ARHGEF38: variants seen among roughly 807,000 people sequenced by gnomAD.
ARHGEF38 encodes the protein Rho guanine nucleotide exchange factor 38.
A neutral mutation model predicts 79.9 loss-of-function variants in ARHGEF38; 79 were observed. That is an observed-to-expected ratio of 0.99 (90% confidence interval 0.82 to 1.19). The LOEUF (loss-of-function observed/expected upper bound fraction) is 1.19, where lower values mean the gene tolerates loss of function less well. Among genes scored for constraint, ARHGEF38 ranks in the 50% most tolerant of loss-of-function variants. ARHGEF38 has a pLI of 0.00. For missense variants in ARHGEF38, 962 were observed against 907.2 expected, an observed-to-expected ratio of 1.06 and a Z score of -0.78; for synonymous variants, 366 against 328.3, an observed-to-expected ratio of 1.11 and a Z score of -1.24.
intron 1 of ARHGEF38, among the ~76,000 whole-genome samples, chr4:105,579,781 T>A (rs886593704): frequency 6.6e-6 from 1 of 152,142 alleles, no homozygotes; most frequent in Non-Finnish European, 1.5e-5. Context: ...CTCCTCAATT[T>A]TTTGGAATAG....
chr4:105,567,552 TTGTTAAG>T (rs1560689438), intron 1 of ARHGEF38, among the ~76,000 whole-genome samples: 1 of 152,188 alleles, frequency 6.6e-6, no homozygotes, highest in African/African-American at 2.4e-5. Flanking sequence ...TGCCCCTTGA[TTGTTAAG>T]TGGAGAAGTA....
chr4:105,617,747 A>G (rs905192589), intron 3 of ARHGEF38, among the ~76,000 whole-genome samples: 2 of 152,230 alleles, frequency 1.3e-5, no homozygotes, highest in African/African-American at 4.8e-5. Flanking sequence ...ACAAAATTGC[A>G]AATAGGAAGA....
At chr4:105,568,916 G>A (rs1726076498) in intron 1 of ARHGEF38, among the ~76,000 whole-genome samples, 1 of 152,086 alleles carries the variant, frequency 6.6e-6, no homozygotes, top group African/African-American at 2.4e-5. Flanking sequence ...GTTAAGTAAG[G>A]CATTAAACAA....
At chr4:105,597,098 T>G (rs1727616501) in intron 2 of ARHGEF38, among the ~76,000 whole-genome samples, 1 of 152,154 alleles carries the variant, frequency 6.6e-6, no homozygotes, top group African/African-American at 2.4e-5. Flanking sequence ...TAATGAAATT[T>G]TGCTACTTTC....
chr4:105,596,130 G>T (rs146999633), intron 2 of ARHGEF38, among the ~76,000 whole-genome samples: 216 of 152,298 alleles, frequency 1.4e-3, no homozygotes, highest in Non-Finnish European at 2.5e-3. Flanking sequence ...TCATACCTAG[G>T]TTAGCAGTGG....
rs1165788113 is a variant in ARHGEF38 at position 105,589,431 on chromosome 4, A to C, written c.380A>C (p.Lys127Thr). 6.2e-7 allele frequency: 1 copy of C among 1,605,002 alleles called. No homozygotes were observed. The highest frequency in any genetic ancestry group is 1.3e-5 in the African/African-American group (1 of 74,222). Residue 127 changes from lysine (K) to threonine (T), a missense_variant, in exon 2 of 14, where the codon AAA becomes ACA. Lys to Thr is a moderately conservative substitution (Grantham distance 78). Coordinates refer to ENST00000420470, the MANE Select transcript of ARHGEF38 (RefSeq NM_001242729.2). ...VREVVQPLRN[K>T]KTDRLDVDSL... ...GAAGTGGTTCAGCCCCTGAGAAATA[A>C]AAAGGTAAATATATATTTGAGATTT...
chr4:105,566,912 C>T lies in ARHGEF38; in HGVS notation c.196+13951C>T, dbSNP rs949801133. Among the ~76,000 whole-genome samples the T allele has an allele frequency of 5.2e-4, 79 of 152,098 alleles. 1 individual carries two copies. The highest frequency in any genetic ancestry group is 1.3e-4 in the Non-Finnish European group (9 of 68,018). ...GGGATTACAGGCATGCACCACCACG[C>T]CCAGCTAATTTTGTATTTTTAGTAG... On this transcript the variant is annotated intron_variant, in intron 1 of 13. Coordinates refer to ENST00000420470, the MANE Select transcript of ARHGEF38 (RefSeq NM_001242729.2).
At chr4:105,628,730 C>G (rs890562574) in intron 3 of ARHGEF38, among the ~76,000 whole-genome samples, 1 of 152,124 alleles carries the variant, frequency 6.6e-6, no homozygotes, top group African/African-American at 2.4e-5. Context: ...CACACACACA[C>G]TCACATGTGT....
chr4:105,593,562 A>C (rs913537788), intron 2 of ARHGEF38, among the ~76,000 whole-genome samples: 3 of 152,142 alleles, frequency 2.0e-5, no homozygotes, highest in Non-Finnish European at 4.4e-5. Flanking sequence ...AAACAGACAG[A>C]CAAAAACATC....
At chr4:105,570,984 C>G (rs1025731266) in intron 1 of ARHGEF38, among the ~76,000 whole-genome samples, 35 of 152,006 alleles carry the variant, frequency 2.3e-4, no homozygotes, top group African/African-American at 8.5e-4. Context: ...TTCATAGAGA[C>G]AAAAAGCAGA....
chr4:105,668,356 A>T (rs1389121930), intron 13 of ARHGEF38, among the ~76,000 whole-genome samples: 1 of 151,796 alleles, frequency 6.6e-6, no homozygotes, highest in Non-Finnish European at 1.5e-5. Flanking sequence ...TAATTTTTGT[A>T]TTTTTAGTAG....
chr4:105,660,274 T>G (rs1204904256), intron 10 of ARHGEF38, among the ~76,000 whole-genome samples: 1 of 152,216 alleles, frequency 6.6e-6, no homozygotes, highest in African/African-American at 2.4e-5. Flanking sequence ...TTTATTTTTA[T>G]GCATTTAGTG....
At chr4:105,660,983 T>C (rs1425162593) in intron 10 of ARHGEF38, among the ~76,000 whole-genome samples, 1 of 152,102 alleles carries the variant, frequency 6.6e-6, no homozygotes, top group Non-Finnish European at 1.5e-5. Flanking sequence ...CCCATCCACA[T>C]TTTTTCCTAA....
rs187545772 is a variant in ARHGEF38, at chr4:105,558,916, A to G, written c.196+5955A>G. Among the ~76,000 whole-genome samples, 1,460 of 151,762 alleles carry G rather than the reference A, an allele frequency of 9.6e-3. 29 individuals carry two copies. Among genetic ancestry groups the G allele is most frequent in the African/African-American group, 0.034 (1,387 of 41,348 alleles). On this transcript the variant is annotated intron_variant, in intron 1 of 13. Transcript: ENST00000420470. ...AAGGAGAGAGAGAAGGGGAGGGGAG[A>G]GACAGACAGAAACCAAGCAAGCAGC...
intron 1 of ARHGEF38, among the ~76,000 whole-genome samples, chr4:105,579,892 A>G (rs932496526): frequency 2.6e-5 from 4 of 152,010 alleles, no homozygotes; most frequent in East Asian, 3.9e-4. Context: ...GCTATTTACT[A>G]CTTACTCAGT....
chr4:105,564,730 A>T (rs953099585), intron 1 of ARHGEF38, among the ~76,000 whole-genome samples: 1 of 152,126 alleles, frequency 6.6e-6, no homozygotes, highest in Admixed American at 6.5e-5. Flanking sequence ...TCCCAATTTG[A>T]CTCTATCTCA....
chr4:105,648,137 C>A (rs374062865), intron 6 of ARHGEF38, among the ~76,000 whole-genome samples: 20 of 152,118 alleles, frequency 1.3e-4, no homozygotes, highest in African/African-American at 4.3e-4. Context: ...ATCCGCCCAC[C>A]TCGGCCTCCG....
chr4:105,649,531 T>C (rs1172313023), intron 7 of ARHGEF38, among the ~76,000 whole-genome samples: 2 of 152,258 alleles, frequency 1.3e-5, no homozygotes, highest in Non-Finnish European at 2.9e-5. Flanking sequence ...GGTAATATAG[T>C]GGGCTTCTAA....
Position 105,679,573 on chromosome 4 carries a change from C to T in ARHGEF38, c.*1636C>T. On this transcript the variant is annotated 3_prime_UTR_variant, in exon 14 of 14. Transcript: ENST00000420470. ...GCCAATGCATCTATCGCCCCTTTCT[C>T]TTCTATCAGTATCTGAGCTGATGGT... The T allele has an allele frequency of 2.0e-6, 2 of 990,056 alleles. No individual in the cohort carries two copies. The highest frequency in any genetic ancestry group is 3.3e-6 in the Non-Finnish European group (2 of 613,072). 61.3% of individuals were successfully genotyped at this position (990,056 alleles called of 1,614,324 possible).
Sources: allele counts gnomAD v4.1 joint callset (sites outside exome capture counted in the v4.1 genomes callset), GRCh38; gene constraint gnomAD v4.1.1; transcripts MANE v1.5; gene names NCBI Gene and HGNC (gene_info 2026-07-23, HGNC 2026-07-21).